TPD52L1: variants seen among roughly 807,000 people sequenced by gnomAD.
TPD52L1 encodes the protein tumor protein D53.
Under a neutral mutation model 28.7 loss-of-function variants are expected in TPD52L1, and 18 were observed. The observed-to-expected ratio is 0.63, with a 90% CI of 0.43 to 0.93. The LOEUF (loss-of-function observed/expected upper bound fraction) is 0.93, where lower values mean the gene tolerates loss of function less well. Ranked by LOEUF, TPD52L1 falls within the 40% of genes least tolerant of loss-of-function variation. The pLI is 0.00. For synonymous variants in TPD52L1, 75 were observed against 88.8 expected (o/e 0.84, Z 0.88); for missense variants, 203 against 254.8 (o/e 0.80, Z 1.39).
chr6:125,208,651 T>G (rs1692756650), intron 1 of TPD52L1, among the ~76,000 whole-genome samples: 1 of 152,220 alleles, frequency 6.6e-6, no homozygotes, highest in African/African-American at 2.4e-5. Context: ...AGCTGTGGTC[T>G]GCCCTTACAC....
At chr6:125,253,879 A>G (rs779612224) in intron 5 of TPD52L1, 124 bp downstream of exon 5, 1 of 953,006 alleles carries the variant, frequency 1.0e-6, no homozygotes, top group East Asian at 2.4e-5. Flanking sequence ...GGTCTTCAAA[A>G]GAAAAGGCTG....
At chr6:125,240,070 T>A (rs1444824434) in intron 3 of TPD52L1, among the ~76,000 whole-genome samples, 1 of 152,240 alleles carries the variant, frequency 6.6e-6, no homozygotes, top group African/African-American at 2.4e-5. Context: ...CAGTGCCATT[T>A]GTTGAATAGG....
At position 125,153,915 on chromosome 6, in the gene TPD52L1, G is replaced by A; in HGVS notation, c.-37G>A. The stretch of plus-strand genomic sequence containing the variant: ...CTGCCATCTGCTCTGGGAAGCACCA[G>A]GGTGTCCCCGCCGCCCTCAGCTCGA... On this transcript the variant is annotated 5_prime_UTR_variant, in exon 1 of 7. Transcript: ENST00000534000. 6.3e-7 allele frequency: 1 copy of A among 1,594,326 alleles called. No homozygotes were observed. The highest frequency in any genetic ancestry group is 2.3e-5 in the East Asian group (1 of 44,198).
intron 1 of TPD52L1, among the ~76,000 whole-genome samples, chr6:125,168,700 TAG>T (rs1791077722): frequency 1.3e-5 from 2 of 152,050 alleles, no homozygotes; most frequent in South Asian, 4.1e-4. Flanking sequence ...GTATTTTTAG[TAG>T]AGATGGGGTT....
At position 125,220,181 on chromosome 6, in the gene TPD52L1, A is replaced by G. The variant is rs1006192509; in HGVS notation, c.123A>G (p.Ala41=). ...AGGAGGAAAAGGAAGAGTTAAAAGC[A>G]GAGTTAGTTCAGGTATGTTTAGTAA... The part of the protein sequence containing the change: ...LSEEEKEELK[A]ELVQLEDEIT... The change falls in exon 2 of 7, where the codon GCA becomes GCG. Residue 41 remains alanine, a synonymous_variant. Coordinates refer to ENST00000534000, the MANE Select transcript of TPD52L1 (RefSeq NM_003287.4). 2 of 1,610,694 alleles carry G rather than the reference A, an allele frequency of 1.2e-6. No individual in the cohort carries two copies. Among genetic ancestry groups the G allele is most frequent in the Admixed American group, 1.7e-5 (1 of 59,972 alleles).
intron 1 of TPD52L1, among the ~76,000 whole-genome samples, chr6:125,161,089 G>T (rs569003136): frequency 6.6e-6 from 1 of 152,154 alleles, no homozygotes; most frequent in Non-Finnish European, 1.5e-5. Context: ...CTGACCTAAG[G>T]TGATCCACCT....
At chr6:125,213,481 AG>A (rs1345712425) in intron 1 of TPD52L1, among the ~76,000 whole-genome samples, 4 of 152,132 alleles carry the variant, frequency 2.6e-5, no homozygotes, top group African/African-American at 9.7e-5. Flanking sequence ...TCAGTTCAGT[AG>A]CCCCTCCGAG....
intron 3 of TPD52L1, among the ~76,000 whole-genome samples, chr6:125,245,235 C>G (rs967126831): frequency 6.6e-6 from 1 of 152,158 alleles, no homozygotes; most frequent in Non-Finnish European, 1.5e-5. Context: ...CTCAGGACCT[C>G]TGGTTAGCCA....
chr6:125,263,614 G>T lies in TPD52L1; in HGVS notation c.*652G>T, dbSNP rs907561157. 1 of 152,666 alleles carries T rather than the reference G, an allele frequency of 6.6e-6. No individual in the cohort carries two copies. The allele number at this position is 152,666 out of a possible 1,614,324, so 9.5% of individuals were successfully genotyped here. The stretch of plus-strand genomic sequence containing the variant: ...CACACCTGTAATCCCAACTATTTTG[G>T]ATGCCAAGGTGAGAGGATTGCTTGA... On this transcript the variant is annotated 3_prime_UTR_variant, in exon 7 of 7. Coordinates refer to ENST00000534000, the MANE Select transcript of TPD52L1 (RefSeq NM_003287.4).
chr6:125,260,387 A>G (rs1797842138), intron 6 of TPD52L1: 1 of 152,214 alleles, frequency 6.6e-6, no homozygotes, highest in African/African-American at 2.4e-5. Flanking sequence ...AATGGTACAT[A>G]AGCTGAGAAT....
intron 1 of TPD52L1, among the ~76,000 whole-genome samples, chr6:125,184,518 A>T (rs1440065396): frequency 6.6e-6 from 1 of 152,228 alleles, no homozygotes; most frequent in Non-Finnish European, 1.5e-5. Flanking sequence ...AGCACTTTGC[A>T]GCAAAGGCAG....
At chr6:125,156,505 C>T (rs1790147706) in intron 1 of TPD52L1, among the ~76,000 whole-genome samples, 1 of 144,026 alleles carries the variant, frequency 6.9e-6, no homozygotes, top group Admixed American at 7.0e-5. Flanking sequence ...AAAGGCCAGC[C>T]ACACCTGTAA....
rs1352015241 is a variant in TPD52L1 at position 125,264,307 on chromosome 6, A to T, written c.*1345A>T. On this transcript the variant is annotated 3_prime_UTR_variant, in exon 7 of 7. Transcript: ENST00000534000. Reference sequence around the variant, plus strand: ...TTTAAAAAGCCCATATAATATATACATATTTGTTAGCATGCTAATTGTTCA... The same window carrying T: ...TTTAAAAAGCCCATATAATATATACTTATTTGTTAGCATGCTAATTGTTCA... The T allele has an allele frequency of 3.9e-5, 6 of 152,226 alleles. No individual in the cohort carries two copies. Among genetic ancestry groups the T allele is most frequent in the African/African-American group, 1.2e-4 (5 of 41,460 alleles). The allele number at this position is 152,226 out of a possible 1,614,324, so 9.4% of individuals were successfully genotyped here. A position where few individuals can be genotyped will look rare whatever the true frequency, so the allele number is the denominator to read the frequency against.
chr6:125,154,299 G>A, intron 1 of TPD52L1: 2 of 1,153,034 alleles, frequency 1.7e-6, no homozygotes, highest in Non-Finnish European at 1.1e-6. Flanking sequence ...TGTTGTGCCG[G>A]GTCCGGAAAG....
At chr6:125,178,556 G>A (rs1038551261) in intron 1 of TPD52L1, among the ~76,000 whole-genome samples, 1 of 152,182 alleles carries the variant, frequency 6.6e-6, no homozygotes, top group Non-Finnish European at 1.5e-5. Flanking sequence ...GGGAAGTGGA[G>A]GTTGTGGTGA....
intron 1 of TPD52L1, among the ~76,000 whole-genome samples, chr6:125,174,527 C>T (rs144899467): frequency 5.9e-5 from 9 of 152,074 alleles, no homozygotes; most frequent in Middle Eastern, 3.2e-3. Flanking sequence ...TAAAAAAGAC[C>T]GAAATTTTGC....
At chr6:125,259,895 A>G (rs1362205026) in intron 6 of TPD52L1, 1 of 152,222 alleles carries the variant, frequency 6.6e-6, no homozygotes, top group Non-Finnish European at 1.5e-5. Context: ...GAATTTTATC[A>G]TTCACATCTT....
intron 2 of TPD52L1, among the ~76,000 whole-genome samples, chr6:125,221,068 C>G (rs1443350092): frequency 1.3e-5 from 2 of 152,196 alleles, no homozygotes; most frequent in African/African-American, 4.8e-5. Flanking sequence ...TACCCTCTCC[C>G]CACTTTGTCC....
At chr6:125,187,546 C>T (rs1434740606) in intron 1 of TPD52L1, among the ~76,000 whole-genome samples, 5 of 152,088 alleles carry the variant, frequency 3.3e-5, no homozygotes, top group Non-Finnish European at 5.9e-5. Flanking sequence ...TGTTTGAATA[C>T]ATGCGGTATT....
Sources: allele counts gnomAD v4.1 joint callset (sites outside exome capture counted in the v4.1 genomes callset), GRCh38; gene constraint gnomAD v4.1.1; transcripts MANE v1.5; gene names NCBI Gene and HGNC (gene_info 2026-07-23, HGNC 2026-07-21).